The following MCMDC2 variants were observed in gnomAD, a reference collection of about 807,000 sequenced individuals.
MCMDC2 encodes minichromosome maintenance domain containing 2, also known as minichromosome maintenance domain-containing protein 2.
Under a neutral mutation model 75.8 loss-of-function variants are expected in MCMDC2, and 54 were observed. The ratio of observed to expected loss-of-function variants is 0.71; its 90% CI spans 0.57 to 0.89. The LOEUF is 0.89. Ranked by LOEUF, MCMDC2 falls within the 40% of genes least tolerant of loss-of-function variation. The pLI is 0.00. For missense variants in MCMDC2, 656 were observed against 780.4 expected (o/e 0.84, Z 1.90); for synonymous variants, 249 against 274.6 (o/e 0.91, Z 0.92).
intron 14 of MCMDC2, among the ~76,000 whole-genome samples, chr8:66,918,760 G>A (rs1455363046): frequency 6.6e-6 from 1 of 152,100 alleles, no homozygotes; most frequent in Non-Finnish European, 1.5e-5. Flanking sequence ...ACCAATGCGT[G>A]TGCACTTACT....
chr8:66,904,255 C>T (rs1812819788), intron 13 of MCMDC2, among the ~76,000 whole-genome samples: 1 of 151,964 alleles, frequency 6.6e-6, no homozygotes, highest in South Asian at 2.1e-4. Context: ...TGGTAAGGAG[C>T]TGAAAATTAT....
intron 11 of MCMDC2, 59 bp downstream of exon 11, chr8:66,896,395 T>A: frequency 7.1e-7 from 1 of 1,411,604 alleles, no homozygotes; most frequent in South Asian, 1.5e-5. Context: ...GTCATAAATT[T>A]TAATACATCT....
At chr8:66,922,365 A>C (rs13256754), downstream of MCMDC2, 4 of 364,988 alleles carry the variant, frequency 1.1e-5, no homozygotes, top group African/African-American at 4.2e-5. Flanking sequence ...ATGACAGCTA[A>C]GAACATTCAT....
chr8:66,909,596 C>CAA (rs1189455609), intron 14 of MCMDC2, among the ~76,000 whole-genome samples: 1 of 152,170 alleles, frequency 6.6e-6, no homozygotes, highest in Non-Finnish European at 1.5e-5. Context: ...CTGTGCTTTA[C>CAA]AAAGAGAAAG....
chr8:66,898,953 A>C (rs1360839764), intron 12 of MCMDC2, among the ~76,000 whole-genome samples: 1 of 152,270 alleles, frequency 6.6e-6, no homozygotes, highest in Admixed American at 6.5e-5. Flanking sequence ...TGGCATATTT[A>C]CAATAAGTCT....
At chr8:66,895,723 G>A (rs1468127498) in intron 10 of MCMDC2, among the ~76,000 whole-genome samples, 2 of 152,096 alleles carry the variant, frequency 1.3e-5, no homozygotes, top group Non-Finnish European at 2.9e-5. Context: ...ATTTGGCTTT[G>A]AACATGTTGA....
chr8:66,924,335 T>C (rs1202675909), downstream of MCMDC2, among the ~76,000 whole-genome samples: 2 of 151,822 alleles, frequency 1.3e-5, no homozygotes, highest in Non-Finnish European at 2.9e-5. Flanking sequence ...ATTTTAAAAT[T>C]TGTTTCTATG....
At chr8:66,874,302 T>G in intron 2 of MCMDC2, 24 bp from the exon 3 acceptor site, 1 of 1,607,232 alleles carries the variant, frequency 6.2e-7, no homozygotes, top group Non-Finnish European at 8.5e-7. Context: ...CTATCCTGAC[T>G]TTTACATTTG....
At position 66,874,252 on chromosome 8, in the gene MCMDC2, G is replaced by C. The variant is rs1811165633; in HGVS notation, c.94+18G>C. On this transcript the variant is annotated intron_variant, in intron 2 of 14. Transcript: ENST00000422365. ...CTACAATGGTACGTTCAGCAAAGGT[G>C]AGTTATTTTTAAAACTTTCAAATAA... 3 of 1,605,968 alleles carry C rather than the reference G, an allele frequency of 1.9e-6. No individual in the cohort carries two copies. The highest frequency in any genetic ancestry group is 2.5e-6 in the Non-Finnish European group (3 of 1,177,868).
intron 14 of MCMDC2, 66 bp from the exon 15 acceptor site, chr8:66,918,937 T>C (rs1813420031): frequency 2.4e-6 from 3 of 1,254,294 alleles, no homozygotes; most frequent in East Asian, 2.9e-5. Flanking sequence ...TGGTTGAAAA[T>C]GTGATTTCAT....
rs768646686 is a variant in MCMDC2 at position 66,901,188 on chromosome 8, AT to A, written c.1627-13del. ...CCATAATAAAGCTTGATTATCTTGG[AT>A]TTTTCACACTTTTTAGCTATTGGCT... is the stretch of plus-strand genomic sequence containing the variant. On this transcript the variant is annotated splice_polypyrimidine_tract_variant and intron_variant, in intron 12 of 14. Coordinates refer to ENST00000422365, the MANE Select transcript of MCMDC2 (RefSeq NM_173518.5). 1.3e-5 allele frequency: 20 copies of A among 1,593,698 alleles called. No homozygotes were observed. Among genetic ancestry groups the A allele is most frequent in the Non-Finnish European group, 1.7e-5 (20 of 1,163,962 alleles).
chr8:66,894,805 A>G (rs1488829727), intron 10 of MCMDC2, among the ~76,000 whole-genome samples: 1 of 152,214 alleles, frequency 6.6e-6, no homozygotes, highest in African/African-American at 2.4e-5. Context: ...AGTGCTTTTT[A>G]GAATATTCAC....
chr8:66,914,773 G>A (rs1233619937), intron 14 of MCMDC2, among the ~76,000 whole-genome samples: 1 of 152,204 alleles, frequency 6.6e-6, no homozygotes, highest in Non-Finnish European at 1.5e-5. Flanking sequence ...AGATGATAAT[G>A]AGAGATTCAA....
chr8:66,889,023 T>G (rs1811973656), intron 9 of MCMDC2, among the ~76,000 whole-genome samples: 1 of 152,180 alleles, frequency 6.6e-6, no homozygotes, highest in Non-Finnish European at 1.5e-5. Context: ...TCGCTCTCTC[T>G]CTCTCATTTT....
chr8:66,880,291 G>A (rs1425026804), intron 7 of MCMDC2, among the ~76,000 whole-genome samples: 1 of 152,192 alleles, frequency 6.6e-6, no homozygotes, highest in Non-Finnish European at 1.5e-5. Context: ...CACTTTAGGA[G>A]GCTGAGGCAA....
At chr8:66,883,144 AG>A (rs1209389618) in intron 8 of MCMDC2, among the ~76,000 whole-genome samples, 3 of 152,198 alleles carry the variant, frequency 2.0e-5, no homozygotes, top group African/African-American at 7.2e-5. Context: ...TCCTTTCAGG[AG>A]GTGGAGAGTG....
chr8:66,924,647 A>C (rs902195201), downstream of MCMDC2, among the ~76,000 whole-genome samples: 1 of 152,070 alleles, frequency 6.6e-6, no homozygotes, highest in Non-Finnish European at 1.5e-5. Context: ...AAAAAAAAAA[A>C]AAAAGTTTCT....
intron 9 of MCMDC2, chr8:66,884,513 A>C (rs1376988720): frequency 6.5e-6 from 1 of 152,682 alleles, no homozygotes; most frequent in Non-Finnish European, 1.5e-5. Context: ...AATATTCACA[A>C]AGTTAGAAAT....
intron 13 of MCMDC2, chr8:66,901,712 C>A: frequency 1.2e-6 from 1 of 840,736 alleles, no homozygotes; most frequent in Non-Finnish European, 1.4e-6. Flanking sequence ...GGGCAGATTG[C>A]CTGAGGTCAG....
Sources: allele counts gnomAD v4.1 joint callset (sites outside exome capture counted in the v4.1 genomes callset), GRCh38; gene constraint gnomAD v4.1.1; transcripts MANE v1.5; gene names NCBI Gene and HGNC (gene_info 2026-07-23, HGNC 2026-07-21).